Variants in GPR176 observed in about 807,000 individuals in gnomAD.
GPR176 encodes the protein G-protein coupled receptor 176.
Under a neutral mutation model 35.4 loss-of-function variants are expected in GPR176, and 26 were observed. The observed-to-expected ratio is 0.74, with a 90% CI of 0.54 to 1.02. The LOEUF (loss-of-function observed/expected upper bound fraction) is 1.02, where lower values mean the gene tolerates loss of function less well. Among genes scored for constraint, GPR176 ranks in the 50% least tolerant of loss-of-function variants. The pLI is 0.00. For synonymous variants in GPR176, 278 were observed against 271.3 expected, an observed-to-expected ratio of 1.02 and a Z score of -0.24; for missense variants, 597 against 665.3, an observed-to-expected ratio of 0.90 and a Z score of 1.13.
At chr15:39,913,961 G>A (rs1001581214) in intron 1 of GPR176, among the ~76,000 whole-genome samples, 2 of 152,042 alleles carry the variant, frequency 1.3e-5, no homozygotes, top group Admixed American at 6.5e-5. Flanking sequence ...CAGGAGAATG[G>A]CGTGAACCTG....
rs377245275 is a variant in GPR176 at position 39,895,056 on chromosome 15, C to G, written c.172+24799G>C. Among the ~76,000 whole-genome samples, 12 of 152,344 alleles carry G rather than the reference C, an allele frequency of 7.9e-5. No homozygotes were observed. In the East Asian group the frequency reaches 1.7e-3, roughly 22 times the overall value. On this transcript the variant is annotated intron_variant, in intron 1 of 2. Transcript: ENST00000561100. ...CCGGCCTGGCCAACATAGCGAAACC[C>G]GGTCTCCACCAAAACCAGTCAGGCG... is the stretch of plus-strand genomic sequence containing the variant.
chr15:39,827,502 A>G (rs183915), intron 1 of GPR176, among the ~76,000 whole-genome samples: 142,958 of 152,272 alleles, frequency 0.94, 67,480 homozygotes, highest in Non-Finnish European at 0.99. Context: ...AATGAAGGAG[A>G]GGGCATAAGG....
chr15:39,892,674 G>A (rs896197656), intron 1 of GPR176, among the ~76,000 whole-genome samples: 3 of 152,234 alleles, frequency 2.0e-5, no homozygotes, highest in African/African-American at 7.2e-5. Flanking sequence ...TGACCACAGA[G>A]GCAGGGACTG....
At chr15:39,862,522 C>T (rs2031644660) in intron 1 of GPR176, 1 of 152,174 alleles carries the variant, frequency 6.6e-6, no homozygotes, top group African/African-American at 2.4e-5. Flanking sequence ...TCTATAAATA[C>T]AGTCATGTGC....
chr15:39,865,960 A>G (rs2031811987), intron 1 of GPR176, among the ~76,000 whole-genome samples: 1 of 152,192 alleles, frequency 6.6e-6, no homozygotes, highest in Admixed American at 6.5e-5. Flanking sequence ...GATATCCACC[A>G]AGAGGGAACC....
At chr15:39,812,705 C>T (rs1479376170) in intron 1 of GPR176, among the ~76,000 whole-genome samples, 1 of 151,758 alleles carries the variant, frequency 6.6e-6, no homozygotes, top group African/African-American at 2.4e-5. Context: ...AGAACCCTGA[C>T]TAATACAAGT....
intron 1 of GPR176, among the ~76,000 whole-genome samples, chr15:39,912,290 T>C (rs1451144489): frequency 6.6e-6 from 1 of 152,098 alleles, no homozygotes; most frequent in Non-Finnish European, 1.5e-5. Flanking sequence ...ACAACAATCT[T>C]CCACCCAGCT....
At chr15:39,834,015 CAT>C (rs1338796037) in intron 1 of GPR176, among the ~76,000 whole-genome samples, 5 of 152,188 alleles carry the variant, frequency 3.3e-5, no homozygotes, top group Admixed American at 1.3e-4. Flanking sequence ...TTCTCACACA[CAT>C]GTACACACAG....
At chr15:39,911,241 T>C (rs2033569298) in intron 1 of GPR176, among the ~76,000 whole-genome samples, 1 of 152,130 alleles carries the variant, frequency 6.6e-6, no homozygotes. Flanking sequence ...CTCTGTAATT[T>C]TGTCCCTAAG....
intron 1 of GPR176, among the ~76,000 whole-genome samples, chr15:39,885,222 T>C (rs1466395087): frequency 1.3e-5 from 2 of 152,202 alleles, no homozygotes; most frequent in Admixed American, 6.5e-5. Context: ...GACATAAAGA[T>C]ATACCAGCTC....
intron 1 of GPR176, among the ~76,000 whole-genome samples, chr15:39,817,145 G>A (rs2140803595): frequency 6.7e-6 from 1 of 150,266 alleles, no homozygotes; most frequent in South Asian, 2.1e-4. Context: ...AAGCGCCCTT[G>A]TGCATTTAGG....
intron 1 of GPR176, chr15:39,815,067 T>G (rs1260949960): frequency 6.6e-6 from 1 of 152,082 alleles, no homozygotes; most frequent in East Asian, 1.9e-4. Flanking sequence ...TATGTGCTGT[T>G]TAAGTGTTAT....
In GPR176 at chr15:39,916,628, T is replaced by C. The variant is rs118113763; in HGVS notation, c.172+3227A>G. ...AAAAAAGAAGTCTATTTAGAGAATA[T>C]AAGAAGTATATTTAAATTTGTTTCA... On this transcript the variant is annotated intron_variant, in intron 1 of 2. Coordinates refer to ENST00000561100, the MANE Select transcript of GPR176 (RefSeq NM_007223.3). Among the ~76,000 whole-genome samples, 483 of 152,232 alleles carry C rather than the reference T, an allele frequency of 3.2e-3. 4 individuals are homozygous for C. In the East Asian group the frequency reaches 0.04, roughly 13 times the overall value.
At chr15:39,848,407 T>G (rs548347786) in intron 1 of GPR176, among the ~76,000 whole-genome samples, 1 of 152,240 alleles carries the variant, frequency 6.6e-6, no homozygotes, top group Admixed American at 6.5e-5. Context: ...CTGATAAAAC[T>G]AGACAGAAAA....
intron 1 of GPR176, among the ~76,000 whole-genome samples, chr15:39,889,603 TAAAATAAAAC>T (rs1566963717): frequency 1.7e-5 from 2 of 114,870 alleles, no homozygotes; most frequent in Admixed American, 1.8e-4. Context: ...TAAAATAAAA[TAAAATAAAAC>T]AAAACAAAAC....
At chr15:39,877,295 T>G (rs2032285895) in intron 1 of GPR176, among the ~76,000 whole-genome samples, 1 of 152,038 alleles carries the variant, frequency 6.6e-6, no homozygotes, top group Non-Finnish European at 1.5e-5. Flanking sequence ...AAGTTTCTCC[T>G]CTCCCCCAAC....
intron 1 of GPR176, among the ~76,000 whole-genome samples, chr15:39,891,529 T>C (rs778366176): frequency 1.3e-5 from 2 of 152,170 alleles, no homozygotes; most frequent in Admixed American, 6.5e-5. Context: ...TTCAGGGACA[T>C]GGTCTCACTA....
chr15:39,864,853 T>C (rs1273405565), intron 1 of GPR176, among the ~76,000 whole-genome samples: 1 of 147,822 alleles, frequency 6.8e-6, no homozygotes, highest in Admixed American at 6.8e-5. Context: ...AAAATCCCAA[T>C]AATCCCATTA....
intron 1 of GPR176, among the ~76,000 whole-genome samples, chr15:39,892,159 T>G (rs1011113626): frequency 2.0e-5 from 3 of 152,122 alleles, no homozygotes; most frequent in Non-Finnish European, 2.9e-5. Flanking sequence ...TAAGACTTAC[T>G]TAGATGAAGA....
Sources: gnomAD v4.1 joint callset for allele counts (sites outside exome capture counted in the v4.1 genomes callset) on GRCh38, gnomAD v4.1.1 for gene constraint, MANE v1.5 for transcripts, NCBI Gene and HGNC (gene_info 2026-07-23, HGNC 2026-07-21) for gene names.